Variants in TMEM40 observed in about 807,000 individuals in gnomAD.
TMEM40 encodes transmembrane protein 40.
In TMEM40, 34 loss-of-function variants were observed where a neutral mutation model predicts 40.8. The observed-to-expected ratio is 0.83, with a 90% CI of 0.63 to 1.11. The LOEUF (loss-of-function observed/expected upper bound fraction) is 1.11, where lower values mean the gene tolerates loss of function less well. TMEM40 is among the 50% of genes least tolerant of loss of function. TMEM40 has a pLI of 0.00. For missense variants in TMEM40, 296 were observed against 280.2 expected (o/e 1.06, Z -0.40); for synonymous variants, 106 against 107.0 (o/e 0.99, Z 0.06).
chr3:12,736,213 A>T (rs1002457432), intron 10 of TMEM40, among the ~76,000 whole-genome samples: 3 of 151,574 alleles, frequency 2.0e-5, no homozygotes. Context: ...CAGTGGCACA[A>T]GCTTGGCTCA....
chr3:12,755,141 CTTCTCTTTCTT>C (rs1253604927), intron 1 of TMEM40, among the ~76,000 whole-genome samples: 1 of 135,840 alleles, frequency 7.4e-6, no homozygotes, highest in African/African-American at 2.7e-5. Context: ...CTTTTCTTTC[CTTCTCTTTCTT>C]TCTTTCTCTT....
chr3:12,769,266 G>C (rs778539296), exon 1 of TMEM40: 5 of 412,900 alleles, frequency 1.2e-5, no homozygotes, highest in African/African-American at 2.1e-5. Context: ...GGAAGGCTGA[G>C]GGAGCCGGCT....
chr3:12,748,126 T>C (rs2061443656), intron 3 of TMEM40, among the ~76,000 whole-genome samples: 1 of 152,208 alleles, frequency 6.6e-6, no homozygotes, highest in Admixed American at 6.6e-5. Context: ...TGCTACATGC[T>C]AAGACTTTAC....
intron 3 of TMEM40, among the ~76,000 whole-genome samples, chr3:12,746,947 G>A (rs74753720): frequency 0.013 from 2,000 of 152,218 alleles, 57 homozygotes; most frequent in African/African-American, 0.046. Context: ...ACAGCCCCCT[G>A]CCTGCACCTG....
intron 1 of TMEM40, among the ~76,000 whole-genome samples, chr3:12,757,127 T>C (rs185243937): frequency 2.0e-5 from 3 of 152,174 alleles, no homozygotes; most frequent in Non-Finnish European, 2.9e-5. Flanking sequence ...AGGATTCGAA[T>C]AGACATTTCT....
chr3:12,742,457 C>T lies in TMEM40; in HGVS notation c.352G>A (p.Gly118Arg). The change falls in exon 5 of 12, where the codon GGA (glycine) becomes AGA (arginine). Residue 118 changes from glycine to arginine, a missense_variant. Gly to Arg is a moderately radical substitution (Grantham distance 125, BLOSUM62 -2). Coordinates refer to ENST00000314124, the MANE Select transcript of TMEM40 (RefSeq NM_018306.4). ...AAGCTACTGGGCAACTGATTACCTC[C>T]ATAGAGTTGAAGCTCATCCTTCAAA... The part of the protein sequence containing the change: ...DVLKDELQLY[G>R]DAPGEVVPSG... 6.2e-7 allele frequency: 1 copy of T among 1,613,984 alleles called. No homozygotes were observed. The highest frequency in any genetic ancestry group is 8.5e-7 in the Non-Finnish European group (1 of 1,179,912).
chr3:12,762,044 T>C (rs1043866016), upstream of TMEM40, among the ~76,000 whole-genome samples: 1 of 152,104 alleles, frequency 6.6e-6, no homozygotes, highest in African/African-American at 2.4e-5. Context: ...TAGCTCATGG[T>C]AACCTTGAAA....
intron 1 of TMEM40, 89 bp downstream of exon 1, chr3:12,759,102 T>A (rs3773331): frequency 0.11 from 16,279 of 152,062 alleles, 1,526 homozygotes; most frequent in African/African-American, 0.25. Flanking sequence ...AACCACACAA[T>A]ATCAAGCCTA....
intron 1 of TMEM40, among the ~76,000 whole-genome samples, chr3:12,757,186 A>G (rs1479219502): frequency 6.6e-6 from 1 of 152,180 alleles, no homozygotes; most frequent in African/African-American, 2.4e-5. Context: ...GATGCTTCAC[A>G]TCACTGGGTG....
At chr3:12,743,537 C>T (rs1023181224) in intron 4 of TMEM40, among the ~76,000 whole-genome samples, 66 of 152,164 alleles carry the variant, frequency 4.3e-4, no homozygotes, top group African/African-American at 1.5e-3. Context: ...TAGGACAGTT[C>T]AAAAAAGGGA....
At chr3:12,744,048 G>T in intron 3 of TMEM40, 59 bp from the exon 4 acceptor site, 1 of 1,515,232 alleles carries the variant, frequency 6.6e-7, no homozygotes, top group Non-Finnish European at 9.0e-7. Context: ...CTGGGAATGC[G>T]TTCATTCTGG....
chr3:12,737,592 G>A, intron 8 of TMEM40, 115 bp downstream of exon 8: 1 of 922,800 alleles, frequency 1.1e-6, no homozygotes, highest in Non-Finnish European at 1.7e-6. Flanking sequence ...GTAAACTGCA[G>A]GGCACACGAC....
upstream of TMEM40, among the ~76,000 whole-genome samples, chr3:12,760,652 T>G (rs778844932): frequency 6.6e-6 from 1 of 152,250 alleles, no homozygotes; most frequent in Non-Finnish European, 1.5e-5. Context: ...CACCATCTGC[T>G]GTGCTGCATA....
At chr3:12,755,233 C>CTCTCTCTGTCTG (rs1553634013) in intron 1 of TMEM40, among the ~76,000 whole-genome samples, 1 of 59,886 alleles carries the variant, frequency 1.7e-5, no homozygotes, top group African/African-American at 7.2e-5. Flanking sequence ...CTCTCTCTCT[C>CTCTCTCTGTCTG]TCTTTCTTTC....
chr3:12,739,610 AGGGTCTTATTATGTTGC>A, intron 5 of TMEM40, among the ~76,000 whole-genome samples: 1 of 151,266 alleles, frequency 6.6e-6, no homozygotes, highest in African/African-American at 2.4e-5. Flanking sequence ...TAATAGAGAC[AGGGTCTTATTATGTTGC>A]CCAGGCTGGT....
chr3:12,734,858 C>T, intron 11 of TMEM40, 65 bp from the exon 12 acceptor site: 15 of 1,554,338 alleles, frequency 9.7e-6, no homozygotes, highest in Non-Finnish European at 1.2e-5. Context: ...TCCCCACCAT[C>T]ACCTCAGATG....
chr3:12,752,757 C>G (rs73022980), intron 1 of TMEM40, among the ~76,000 whole-genome samples: 3 of 151,360 alleles, frequency 2.0e-5, no homozygotes. Flanking sequence ...GAATTGAGAT[C>G]GCGCGACTGC....
intron 3 of TMEM40, among the ~76,000 whole-genome samples, chr3:12,745,082 G>A (rs905098520): frequency 1.7e-4 from 26 of 151,776 alleles, no homozygotes; most frequent in South Asian, 6.2e-4. Context: ...TTTTTGAGAC[G>A]GAATTTTGCT....
chr3:12,745,226 ATTTT>A (rs144839288), intron 3 of TMEM40, among the ~76,000 whole-genome samples: 7 of 127,092 alleles, frequency 5.5e-5, no homozygotes, highest in Non-Finnish European at 8.1e-5. Flanking sequence ...CACCTGGCTA[ATTTT>A]TTTTTTTTTT....
Sources: allele counts gnomAD v4.1 joint callset (sites outside exome capture counted in the v4.1 genomes callset), GRCh38; gene constraint gnomAD v4.1.1; transcripts MANE v1.5; gene names NCBI Gene and HGNC (gene_info 2026-07-23, HGNC 2026-07-21).